Variants in RUFY1 observed in about 807,000 individuals in gnomAD.
RUFY1 encodes the protein RUN and FYVE domain-containing protein 1.
Under a neutral mutation model 94.6 loss-of-function variants are expected in RUFY1, and 54 were observed. That is an observed-to-expected ratio of 0.57 (90% CI 0.46 to 0.72). RUFY1 has a LOEUF of 0.72. RUFY1 is among the 30% of genes least tolerant of loss of function. The pLI, the probability that RUFY1 is intolerant of heterozygous loss-of-function variation, is 0.00. For synonymous variants in RUFY1, 396 were observed against 347.3 expected, an observed-to-expected ratio of 1.14 and a Z score of -1.56; for missense variants, 883 against 883.9, an observed-to-expected ratio of 1.00 and a Z score of 0.01.
chr5:179,585,142 A>G (rs543870457), intron 7 of RUFY1, among the ~76,000 whole-genome samples: 1 of 152,252 alleles, frequency 6.6e-6, no homozygotes, highest in South Asian at 2.1e-4. Context: ...AAACAAACAA[A>G]CAAAAAACAC....
intron 5 of RUFY1, chr5:179,572,369 T>G (rs1763289510): frequency 4.9e-6 from 1 of 202,908 alleles, no homozygotes; most frequent in Non-Finnish European, 1.0e-5. Context: ...GGCTGCGAAG[T>G]GCTGGGTGTC....
chr5:179,584,761 CAAAAACAAAA>C (rs113550647), intron 7 of RUFY1, among the ~76,000 whole-genome samples: 22,418 of 149,930 alleles, frequency 0.15, 1,719 homozygotes, highest in South Asian at 0.23. Flanking sequence ...GACCCTGTTT[CAAAAACAAAA>C]AAAAACAAAA....
At chr5:179,574,611 A>G (rs904693273) in intron 5 of RUFY1, among the ~76,000 whole-genome samples, 2 of 152,160 alleles carry the variant, frequency 1.3e-5, no homozygotes, top group African/African-American at 4.8e-5. Context: ...CCTAAGTCTT[A>G]AGACAATTTT....
rs1206895270 is a variant in RUFY1 at position 179,609,927 on chromosome 5, C to G, written c.*408C>G. 1 of 159,418 alleles carries G rather than the reference C, an allele frequency of 6.3e-6. No homozygotes were observed. Among genetic ancestry groups the G allele is most frequent in the Non-Finnish European group, 1.4e-5 (1 of 72,856 alleles). The allele number at this position is 159,418 out of a possible 1,614,324, so 9.9% of individuals were successfully genotyped here. On this transcript the variant is annotated 3_prime_UTR_variant, in exon 18 of 18. Coordinates refer to ENST00000319449, the MANE Select transcript of RUFY1 (RefSeq NM_025158.5). ...ACACACATGGAGTCTGCCAGTGTGC[C>G]TTCTCTGCTTCAGACAAGAGATCTG...
At chr5:179,590,653 T>G (rs1298382282) in intron 9 of RUFY1, among the ~76,000 whole-genome samples, 1 of 151,162 alleles carries the variant, frequency 6.6e-6, no homozygotes, top group East Asian at 2.0e-4. Context: ...CCCAGCTAAT[T>G]TTTTTCTATA....
At chr5:179,583,854 A>G (rs1033749465) in intron 7 of RUFY1, among the ~76,000 whole-genome samples, 4 of 151,738 alleles carry the variant, frequency 2.6e-5, no homozygotes, top group Admixed American at 6.6e-5. Flanking sequence ...GGTTCACGCC[A>G]TTCTCCTGCC....
At chr5:179,608,261 T>C in intron 17 of RUFY1, 1 of 986,964 alleles carries the variant, frequency 1.0e-6, no homozygotes, top group Non-Finnish European at 1.2e-6. Flanking sequence ...GCCACAGCCA[T>C]GTTCTGTCTG....
chr5:179,570,811 A>G (rs1763172919), intron 5 of RUFY1, among the ~76,000 whole-genome samples: 1 of 151,658 alleles, frequency 6.6e-6, no homozygotes, highest in African/African-American at 2.4e-5. Flanking sequence ...TTGTCTTTGC[A>G]TGTTGAAAAA....
At chr5:179,586,588 C>T (rs1764621476) in intron 8 of RUFY1, 1 of 369,648 alleles carries the variant, frequency 2.7e-6, no homozygotes, top group South Asian at 1.9e-5. Flanking sequence ...AGAAGAGAGC[C>T]TCAGAGCCCA....
chr5:179,550,832 C>T lies in RUFY1; in HGVS notation c.263C>T (p.Ala88Val), dbSNP rs1321766828. The T allele has an allele frequency of 8.0e-6, 10 of 1,246,208 alleles. No individual in the cohort carries two copies. Among genetic ancestry groups the T allele is most frequent in the Non-Finnish European group, 9.0e-6 (9 of 999,508 alleles). 77.2% of individuals were successfully genotyped at this position (1,246,208 alleles called of 1,614,324 possible). A position where few individuals can be genotyped will look rare whatever the true frequency, so the allele number is the denominator to read the frequency against. ...SASCGSALRA[A>V]AGLGGGDSGD... ...AGCTGCGGGAGCGCGCTGCGCGCGG[C>T]CGCGGGGCTGGGCGGCGGGGACAGC... The change falls in exon 1 of 18, where the codon GCC (alanine) becomes GTC (valine). Residue 88 changes from alanine to valine, a missense_variant. Transcript: ENST00000319449.
chr5:179,564,318 C>T (rs1762661624), intron 3 of RUFY1, among the ~76,000 whole-genome samples: 1 of 151,680 alleles, frequency 6.6e-6, no homozygotes, highest in Admixed American at 6.6e-5. Flanking sequence ...TGGGGTTTCA[C>T]CACATTGGCC....
intron 3 of RUFY1, among the ~76,000 whole-genome samples, chr5:179,565,916 A>G (rs942649247): frequency 3.9e-5 from 6 of 152,126 alleles, no homozygotes; most frequent in African/African-American, 1.4e-4. Flanking sequence ...CTGAGATGGG[A>G]AGAATGCTTG....
At chr5:179,588,093 T>G (rs1764755871) in intron 8 of RUFY1, among the ~76,000 whole-genome samples, 1 of 152,152 alleles carries the variant, frequency 6.6e-6, no homozygotes, top group Admixed American at 6.5e-5. Flanking sequence ...TAGCTTATGG[T>G]TTTTGCCTGC....
rs796858587 is a variant in RUFY1, at chr5:179,569,714, C to T, written c.828+289C>T. On this transcript the variant is annotated intron_variant, in intron 5 of 17. Transcript: ENST00000319449. Reference sequence around the variant, plus strand: ...GTGGAGGCTGGGCCTGATAGTTAGGCCATTGGTGCTATGCTGAAGGGTGTA... The same window carrying T: ...GTGGAGGCTGGGCCTGATAGTTAGGTCATTGGTGCTATGCTGAAGGGTGTA... Among the ~76,000 whole-genome samples, 70 of 152,054 alleles carry T rather than the reference C, an allele frequency of 4.6e-4. 1 individual carries two copies. Among genetic ancestry groups the T allele is most frequent in the African/African-American group, 1.7e-3 (69 of 41,504 alleles).
intron 6 of RUFY1, among the ~76,000 whole-genome samples, chr5:179,579,673 T>TTTTTTTTTTTTTTTTTTTTTTTTTTTTTC (rs1763956343): frequency 8.5e-6 from 1 of 117,298 alleles, no homozygotes; most frequent in Non-Finnish European, 1.8e-5. Flanking sequence ...TTTTTTTTTT[T>TTTTTTTTTTTTTTTTTTTTTTTTTTTTTC]TTTTTTGAGA....
Position 179,580,401 on chromosome 5 carries a change from C to G in RUFY1, c.891-546C>G, listed in dbSNP as rs1406111726. Among the ~76,000 whole-genome samples, 23 of 151,826 alleles carry G rather than the reference C, an allele frequency of 1.5e-4. No homozygotes were observed. In the East Asian group the frequency reaches 4.1e-3, roughly 27 times the overall value. On this transcript the variant is annotated intron_variant, in intron 6 of 17. Transcript: ENST00000319449. ...GGGACTACAGGCGCCCGCCACCACG[C>G]CCGGCTAATTTTTTGTATTTTTAGT...
intron 11 of RUFY1, among the ~76,000 whole-genome samples, 173 bp from the exon 12 acceptor site, chr5:179,594,693 G>A (rs1353450139): frequency 2.2e-5 from 3 of 138,156 alleles, no homozygotes; most frequent in Admixed American, 7.5e-5. Flanking sequence ...CCCGGGAGGC[G>A]GAGCTGGCAG....
chr5:179,562,069 G>A (rs1264057887), intron 2 of RUFY1, among the ~76,000 whole-genome samples: 1 of 151,930 alleles, frequency 6.6e-6, no homozygotes, highest in Admixed American at 6.6e-5. Context: ...GCCAGAGAAA[G>A]AGAGACTAAT....
chr5:179,597,231 G>GTGTTT (rs903561004), intron 13 of RUFY1, among the ~76,000 whole-genome samples: 3 of 151,230 alleles, frequency 2.0e-5, no homozygotes, highest in South Asian at 2.1e-4. Context: ...TTTTGTGTTT[G>GTGTTT]TGTTTTGTTT....
Sources: allele counts gnomAD v4.1 joint callset (sites outside exome capture counted in the v4.1 genomes callset), GRCh38; gene constraint gnomAD v4.1.1; transcripts MANE v1.5; gene names NCBI Gene and HGNC (gene_info 2026-07-23, HGNC 2026-07-21).